The following CPLANE1 variants were observed in gnomAD, a reference collection of about 807,000 sequenced individuals.
The protein encoded by CPLANE1 is ciliogenesis and planar polarity effector 1.
A neutral mutation model predicts 362.5 loss-of-function variants in CPLANE1; 263 were observed. That is an observed-to-expected ratio of 0.73 (90% CI 0.66 to 0.80). CPLANE1 has a LOEUF of 0.80. Among genes scored for constraint, CPLANE1 ranks in the 30% least tolerant of loss-of-function variants. The pLI, the probability that CPLANE1 is intolerant of heterozygous loss-of-function variation, is 0.00. For synonymous variants in CPLANE1, 1,212 were observed against 1,302.6 expected (o/e 0.93, Z 1.50); for missense variants, 3,461 against 3,793.4 (o/e 0.91, Z 2.30).
chr5:37,133,463 C>T (rs1042580243), intron 46 of CPLANE1, among the ~76,000 whole-genome samples: 3 of 151,618 alleles, frequency 2.0e-5, no homozygotes, highest in African/African-American at 7.3e-5. Context: ...TTTCGTAGTT[C>T]TCCTTGCTGA....
Position 37,213,695 on chromosome 5 carries a change from G to A in CPLANE1, c.2784C>T (p.Gly928=), listed in dbSNP as rs763162610. The A allele has an allele frequency of 2.6e-5, 40 of 1,530,018 alleles. No homozygotes were observed. The East Asian group carries it at 3.2e-4, about 12-fold the overall frequency. The allele number at this position is 1,530,018 out of a possible 1,614,324, so 94.8% of individuals were successfully genotyped here. The change falls in exon 16 of 53, where the codon GGC becomes GGT. Residue 928 remains glycine (G), a synonymous_variant. Coordinates refer to ENST00000651892, the MANE Select transcript of CPLANE1 (RefSeq NM_001384732.1). ...AKSHFECGMV[G]GVHPEAAVRV... ...TCACTGCTGCCTCAGGATGAACACC[G>A]CCCACCATTCCACACTCAAAATGAG...
rs953259392 is a variant in CPLANE1 at position 37,180,171 on chromosome 5, A to C, written c.5583T>G (p.Thr1861=). Reference sequence around the variant, plus strand: ...CTTTTATATCAGGATTTTTTGCTTCAGTTGGCATTCTACTGAAAAAAATGC... The same window carrying C: ...CTTTTATATCAGGATTTTTTGCTTCCGTTGGCATTCTACTGAAAAAAATGC... ...SCQNILNRMP[T]EAKNPDIKEI... is the part of the protein sequence containing the mutation. The change falls in exon 28 of 53, where the codon ACT becomes ACG. Residue 1861 remains threonine, a synonymous_variant. Transcript: ENST00000651892. 1.3e-6 allele frequency: 2 copies of C among 1,505,310 alleles called. No individual in the cohort carries two copies. The highest frequency in any genetic ancestry group is 8.9e-7 in the Non-Finnish European group (1 of 1,126,448). 93.2% of individuals were successfully genotyped at this position (1,505,310 alleles called of 1,614,324 possible).
At chr5:37,083,651 T>C in the CPLANE1 span, among the ~76,000 whole-genome samples, 1 of 151,990 alleles carries the variant, frequency 6.6e-6, no homozygotes, top group Non-Finnish European at 1.5e-5. Context: ...GTCTCAACAA[T>C]AAAATCGAAT....
At chr5:37,125,440 GC>G (rs1561329062) in intron 46 of CPLANE1, 31 bp from the exon 47 acceptor site, 1 of 1,598,870 alleles carries the variant, frequency 6.3e-7, no homozygotes, top group East Asian at 2.2e-5. Context: ...GACATCATTT[GC>G]TTTTAAATTT....
intron 5 of CPLANE1, 111 bp downstream of exon 5, chr5:37,244,264 A>G: frequency 1.6e-6 from 1 of 621,926 alleles, no homozygotes. Flanking sequence ...TCTTTTCCAT[A>G]CAAGAATTTC....
At chr5:37,075,821 A>C in the CPLANE1 span, among the ~76,000 whole-genome samples, 1 of 152,152 alleles carries the variant, frequency 6.6e-6, no homozygotes, top group Non-Finnish European at 1.5e-5. Flanking sequence ...CAAGGCAGAT[A>C]CTTACTTATC....
At chr5:37,116,810 T>C (rs1049954937) in intron 50 of CPLANE1, among the ~76,000 whole-genome samples, 3 of 152,214 alleles carry the variant, frequency 2.0e-5, no homozygotes, top group Non-Finnish European at 4.4e-5. Context: ...ACATGTGCAA[T>C]GACTGAACTT....
chr5:37,084,771 T>TAAAAAAATATATCTTTTTTTTTAAAA, the CPLANE1 span, among the ~76,000 whole-genome samples: 1 of 150,454 alleles, frequency 6.6e-6, no homozygotes, highest in African/African-American at 2.5e-5. Context: ...ACTCTGTCTT[T>TAAAAAAATATATCTTTTTTTTTAAAA]AAAAAAAGAT....
chr5:37,177,663 G>T lies in CPLANE1; in HGVS notation c.5858C>A (p.Pro1953Gln). The change falls in exon 30 of 53, where the codon CCA becomes CAA. Residue 1953 changes from proline (P) to glutamine (Q), a missense_variant. By Grantham distance (76) the Pro-to-Gln change is moderately conservative. Coordinates refer to ENST00000651892, the MANE Select transcript of CPLANE1 (RefSeq NM_001384732.1). ...TEEVQCQREE[P>Q]LETIMEEKST... ...TTTTTCCTCCATAATTGTCTCCAGT[G>T]GTTCTTCCCTTTGACACTGAACCTC... The T allele has an allele frequency of 6.2e-7, 1 of 1,613,730 alleles. No individual in the cohort carries two copies. The highest frequency in any genetic ancestry group is 1.1e-5 in the South Asian group (1 of 91,042).
chr5:37,131,951 T>G lies in CPLANE1; in HGVS notation c.8793-6542A>C, dbSNP rs983367818. ...GAGATTACAGGTGTGAGCTATCGCA[T>G]CCAGTCAATATTTAATTTTTATTCT... is the stretch of plus-strand genomic sequence containing the variant. On this transcript the variant is annotated intron_variant, in intron 46 of 52. Transcript: ENST00000651892. 1.3e-5 allele frequency among the ~76,000 whole-genome samples: 2 copies of G among 152,180 alleles called. 1 individual carries two copies. The highest frequency in any genetic ancestry group is 4.8e-5 in the African/African-American group (2 of 41,440).
At chr5:37,113,298 T>G (rs1759876901) in intron 51 of CPLANE1, among the ~76,000 whole-genome samples, 1 of 152,192 alleles carries the variant, frequency 6.6e-6, no homozygotes, top group African/African-American at 2.4e-5. Context: ...TCATGAGATC[T>G]GATAGTTTTA....
intron 9 of CPLANE1, among the ~76,000 whole-genome samples, chr5:37,228,027 T>G (rs1009874878): frequency 2.6e-5 from 4 of 152,170 alleles, no homozygotes; most frequent in Admixed American, 6.5e-5. Flanking sequence ...TTTTAAAATT[T>G]TCCTAAATGG....
chr5:37,235,668 G>A (rs1039293363), intron 8 of CPLANE1, among the ~76,000 whole-genome samples: 2 of 148,188 alleles, frequency 1.3e-5, no homozygotes, highest in Middle Eastern at 3.3e-3. Context: ...TGCCTCCCAG[G>A]TTCAAGCGAT....
chr5:37,186,859 A>G (rs1055899030), intron 23 of CPLANE1, among the ~76,000 whole-genome samples: 1 of 152,048 alleles, frequency 6.6e-6, no homozygotes, highest in Non-Finnish European at 1.5e-5. Flanking sequence ...GGAGATCAAG[A>G]CCATCCTGGC....
In CPLANE1 at chr5:37,153,841, G is replaced by A; in HGVS notation, c.8272C>T (p.Leu2758Phe). The change falls in exon 42 of 53, where the codon CTT (leucine) becomes TTT (phenylalanine). Residue 2758 changes from leucine (L) to phenylalanine (F), a missense_variant. By Grantham distance (22) the Leu-to-Phe change is conservative. This residue lies in a region of CPLANE1 where 3,380 missense variants were observed against 3,666.1 expected (regional missense o/e 0.92). Coordinates refer to ENST00000651892, the MANE Select transcript of CPLANE1 (RefSeq NM_001384732.1). ...AHQLEHLSAK[L>F]QKIDEQLLAI... ...AGCAACTGCTCGTCAATTTTCTGAA[G>A]CTTAGCACTGAGATGCTCTAGTTGG... 1 of 1,614,082 alleles carries A rather than the reference G, an allele frequency of 6.2e-7. No homozygotes were observed. The highest frequency in any genetic ancestry group is 8.5e-7 in the Non-Finnish European group (1 of 1,180,024).
chr5:37,162,375 C>T, intron 38 of CPLANE1, 90 bp downstream of exon 38: 1 of 756,508 alleles, frequency 1.3e-6, no homozygotes, highest in Non-Finnish European at 2.1e-6. Context: ...ATTAAAAATT[C>T]CCTTTAAATC....
Position 37,162,675 on chromosome 5 carries a change from T to C in CPLANE1, c.7589-109A>G, listed in dbSNP as rs569644850. The C allele has an allele frequency of 1.4e-4, 100 of 710,230 alleles. 1 individual carries two copies. In the South Asian group the frequency reaches 1.9e-3, roughly 14 times the overall value. The allele number at this position is 710,230 out of a possible 1,614,324, so 44.0% of individuals were successfully genotyped here. The stretch of plus-strand genomic sequence containing the variant: ...GGAAGTAAAATATGGGGTGTCAGGA[T>C]GTTATTAAATTTTTTTTTTTTTGAG... On this transcript the variant is annotated intron_variant, in intron 37 of 52. Transcript: ENST00000651892.
At chr5:37,155,890 C>T (rs1349063931) in intron 41 of CPLANE1, among the ~76,000 whole-genome samples, 1 of 152,158 alleles carries the variant, frequency 6.6e-6, no homozygotes, top group South Asian at 2.1e-4. Flanking sequence ...ATCTAAAAGC[C>T]AGGCTCCTTT....
the CPLANE1 span, among the ~76,000 whole-genome samples, chr5:37,079,992 T>C: frequency 6.6e-6 from 1 of 152,208 alleles, no homozygotes; most frequent in Non-Finnish European, 1.5e-5. Flanking sequence ...CATTGGATGT[T>C]TCCTCTCTAT....
Sources: allele counts gnomAD v4.1 joint callset (sites outside exome capture counted in the v4.1 genomes callset), GRCh38; gene constraint gnomAD v4.1.1; regional missense constraint gnomAD v4.1.1; transcripts MANE v1.5; gene names NCBI Gene and HGNC (gene_info 2026-07-23, HGNC 2026-07-21).